Variants in TMOD2 observed in about 807,000 individuals in gnomAD.
TMOD2 encodes the protein tropomodulin 2.
TMOD2 carries 22 observed loss-of-function variants against 39.9 expected under a neutral mutation model. The ratio of observed to expected loss-of-function variants is 0.55; its 90% CI spans 0.39 to 0.79. The LOEUF (loss-of-function observed/expected upper bound fraction) is 0.79. Among genes scored for constraint, TMOD2 ranks in the 30% least tolerant of loss-of-function variants. TMOD2 has a pLI of 0.00. For synonymous variants in TMOD2, 123 were observed against 146.1 expected (o/e 0.84, Z 1.14); for missense variants, 386 against 413.3 (o/e 0.93, Z 0.57).
In TMOD2 at chr15:51,811,955, T is replaced by C. The variant is rs536617929; in HGVS notation, c.*3501T>C. ...ATCCATTTGCCTAATGTATTTAACATTCCATCCTCATCAACATGATGAAGC... is the reference window on the plus strand; with the variant it reads ...ATCCATTTGCCTAATGTATTTAACACTCCATCCTCATCAACATGATGAAGC... On this transcript the variant is annotated 3_prime_UTR_variant, in exon 10 of 10. Coordinates refer to ENST00000249700, the MANE Select transcript of TMOD2 (RefSeq NM_014548.4). 6.6e-6 allele frequency: 1 copy of C among 152,354 alleles called. No homozygotes were observed. The highest frequency in any genetic ancestry group is 2.4e-5 in the African/African-American group (1 of 41,578). The allele number at this position is 152,354 out of a possible 1,614,324, so 9.4% of individuals were successfully genotyped here. A position where few individuals can be genotyped will look rare whatever the true frequency, so the allele number is the denominator to read the frequency against.
chr15:51,787,242 CTG>C (rs1330896021), intron 7 of TMOD2, among the ~76,000 whole-genome samples: 1 of 152,244 alleles, frequency 6.6e-6, no homozygotes, highest in Non-Finnish European at 1.5e-5. Flanking sequence ...GCACAGCAGT[CTG>C]AGATCCACCT....
At chr15:51,794,533 A>G (rs1189046515) in intron 7 of TMOD2, among the ~76,000 whole-genome samples, 1 of 151,944 alleles carries the variant, frequency 6.6e-6, no homozygotes, top group Non-Finnish European at 1.5e-5. Flanking sequence ...TGGGCAACAT[A>G]GAGAGACCTG....
Position 51,808,547 on chromosome 15 carries a change from T to C in TMOD2, c.*93T>C. On this transcript the variant is annotated 3_prime_UTR_variant, in exon 10 of 10. Transcript: ENST00000249700. ...CCCATCAGGACCATTTTATCAAAGTTCGTTCATTTCCGTTAACCACATAAC... is the reference window on the plus strand; with the variant it reads ...CCCATCAGGACCATTTTATCAAAGTCCGTTCATTTCCGTTAACCACATAAC... The C allele has an allele frequency of 9.8e-7, 1 of 1,024,860 alleles. No homozygotes were observed. The highest frequency in any genetic ancestry group is 2.5e-5 in the East Asian group (1 of 39,830). 63.5% of individuals were successfully genotyped at this position (1,024,860 alleles called of 1,614,324 possible).
chr15:51,759,840 A>G lies in TMOD2; in HGVS notation c.-69-6533A>G, dbSNP rs78368101. Among the ~76,000 whole-genome samples, 1,459 of 152,262 alleles carry G rather than the reference A, an allele frequency of 9.6e-3. 22 individuals are homozygous for G. The highest frequency in any genetic ancestry group is 0.034 in the African/African-American group (1,406 of 41,528). ...GATTTAGGGAATCCAACAAGGCAGA[A>G]CTCTGGCACCAGCTGCACAAGGAAC... On this transcript the variant is annotated intron_variant, in intron 1 of 9. Coordinates refer to ENST00000249700, the MANE Select transcript of TMOD2 (RefSeq NM_014548.4).
At chr15:51,805,212 G>A (rs1369613928) in intron 8 of TMOD2, among the ~76,000 whole-genome samples, 11 of 149,414 alleles carry the variant, frequency 7.4e-5, no homozygotes, top group South Asian at 2.1e-4. Context: ...CATCTGCCTC[G>A]GCCTCCCAAA....
chr15:51,770,178 T>G (rs1195444858), intron 3 of TMOD2, among the ~76,000 whole-genome samples: 1 of 152,168 alleles, frequency 6.6e-6, no homozygotes, highest in Non-Finnish European at 1.5e-5. Context: ...CCCACTGTCT[T>G]CATTCACTCC....
chr15:51,787,160 G>A (rs779423952), intron 7 of TMOD2, among the ~76,000 whole-genome samples: 6 of 152,328 alleles, frequency 3.9e-5, no homozygotes, highest in Middle Eastern at 3.4e-3. Flanking sequence ...CACAACCAGC[G>A]GACCAGGAGA....
intron 4 of TMOD2, among the ~76,000 whole-genome samples, chr15:51,776,239 G>T (rs1337787115): frequency 6.6e-6 from 1 of 152,140 alleles, no homozygotes; most frequent in Non-Finnish European, 1.5e-5. Context: ...ATCCCTTCTG[G>T]GATCCTTCTT....
chr15:51,790,169 G>A (rs1257300490), intron 7 of TMOD2, among the ~76,000 whole-genome samples: 1 of 152,022 alleles, frequency 6.6e-6, no homozygotes, highest in African/African-American at 2.4e-5. Context: ...AATGATAAAG[G>A]GGATATCACC....
chr15:51,753,815 G>A (rs562685164), intron 1 of TMOD2, among the ~76,000 whole-genome samples: 2 of 152,052 alleles, frequency 1.3e-5, no homozygotes, highest in African/African-American at 4.8e-5. Flanking sequence ...AGCAAATGTG[G>A]CAGAATGATG....
At chr15:51,752,069 G>C (rs896525099) in intron 1 of TMOD2, among the ~76,000 whole-genome samples, 23 of 152,138 alleles carry the variant, frequency 1.5e-4, no homozygotes, top group African/African-American at 5.5e-4. Context: ...TCCGGGCTTT[G>C]TTCCCCCACT....
chr15:51,762,257 G>C (rs1180770782), intron 1 of TMOD2, among the ~76,000 whole-genome samples: 1 of 151,734 alleles, frequency 6.6e-6, no homozygotes, highest in African/African-American at 2.4e-5. Flanking sequence ...TGGAGTTGGA[G>C]ACCAGCCTGG....
Position 51,776,966 on chromosome 15 carries a change from A to G in TMOD2, c.441A>G (p.Pro147=), listed in dbSNP as rs1270273551. 3 of 1,613,994 alleles carry G rather than the reference A, an allele frequency of 1.9e-6. No individual in the cohort carries two copies. Among genetic ancestry groups the G allele is most frequent in the Non-Finnish European group, 2.5e-6 (3 of 1,179,880 alleles). ...GAGTACACAATTTGCTCAACAATCCAAAGTTCGATGAAGAAACAGCCAACA... is the reference window on the plus strand; with the variant it reads ...GAGTACACAATTTGCTCAACAATCCGAAGTTCGATGAAGAAACAGCCAACA... ...VLGVHNLLNN[P]KFDEETANNK... The change falls in exon 5 of 10, where the codon CCA becomes CCG. Residue 147 remains proline, a synonymous_variant. Coordinates refer to ENST00000249700, the MANE Select transcript of TMOD2 (RefSeq NM_014548.4).
At position 51,815,749 on chromosome 15, in the gene TMOD2, C is replaced by G. The variant is rs2056185101; in HGVS notation, c.*7295C>G. The G allele has an allele frequency of 6.6e-6, 1 of 152,152 alleles. No homozygotes were observed. The highest frequency in any genetic ancestry group is 2.1e-4 in the South Asian group (1 of 4,820). The allele number at this position is 152,152 out of a possible 1,614,324, so 9.4% of individuals were successfully genotyped here. ...TTTATTTTAGTTGTTTTCATCCATT[C>G]AAGCAAAATGAATAAGCAGCATTTT... On this transcript the variant is annotated 3_prime_UTR_variant, in exon 10 of 10. Transcript: ENST00000249700.
chr15:51,759,681 G>T (rs929085100), intron 1 of TMOD2, among the ~76,000 whole-genome samples: 1 of 152,206 alleles, frequency 6.6e-6, no homozygotes, highest in Non-Finnish European at 1.5e-5. Flanking sequence ...AGAGCGCATA[G>T]ATAGGCCATG....
chr15:51,761,578 A>T (rs2055781087), intron 1 of TMOD2, among the ~76,000 whole-genome samples: 1 of 151,266 alleles, frequency 6.6e-6, no homozygotes, highest in Non-Finnish European at 1.5e-5. Flanking sequence ...AAGAAAAAAA[A>T]ATTTAATTAG....
chr15:51,786,322 G>A (rs2055969856), intron 7 of TMOD2, among the ~76,000 whole-genome samples: 1 of 152,046 alleles, frequency 6.6e-6, no homozygotes, highest in Non-Finnish European at 1.5e-5. Flanking sequence ...GGGAGTCCTG[G>A]CAGAAAGTCT....
rs17611193 is a variant in TMOD2 at position 51,809,188 on chromosome 15, T to C, written c.*734T>C. 59,287 of 152,536 alleles carry C rather than the reference T, an allele frequency of 0.39. 11,654 individuals carry two copies. The highest frequency in any genetic ancestry group is 0.44 in the Admixed American group (6,725 of 15,288). 9.4% of individuals were successfully genotyped at this position (152,536 alleles called of 1,614,324 possible). A position where few individuals can be genotyped will look rare whatever the true frequency, so the allele number is the denominator to read the frequency against. On this transcript the variant is annotated 3_prime_UTR_variant, in exon 10 of 10. Transcript: ENST00000249700. ...ACATAAATTGAATCTTTAACATGAC[T>C]TTAAAGGCTATTTACAAAGCTGTTT...
intron 5 of TMOD2, among the ~76,000 whole-genome samples, chr15:51,779,705 G>A (rs1397319089): frequency 1.3e-5 from 2 of 151,106 alleles, no homozygotes; most frequent in Admixed American, 1.3e-4. Context: ...TTTTGAGACA[G>A]GGTCTCATTC....
Sources: gnomAD v4.1 joint callset for allele counts (sites outside exome capture counted in the v4.1 genomes callset) on GRCh38, gnomAD v4.1.1 for gene constraint, MANE v1.5 for transcripts, NCBI Gene and HGNC (gene_info 2026-07-23, HGNC 2026-07-21) for gene names.